ANKMY2: variants seen among roughly 807,000 people sequenced by gnomAD.
ANKMY2 encodes ankyrin repeat and MYND domain containing 2.
Under a neutral mutation model 50.4 loss-of-function variants are expected in ANKMY2, and 36 were observed. That is an observed-to-expected ratio of 0.71 (90% CI 0.55 to 0.94). The LOEUF (loss-of-function observed/expected upper bound fraction) is 0.94. ANKMY2 is among the 40% of genes least tolerant of loss of function. ANKMY2 has a pLI of 0.00. For synonymous variants in ANKMY2, 187 were observed against 178.8 expected, an observed-to-expected ratio of 1.05 and a Z score of -0.36; for missense variants, 565 against 524.0, an observed-to-expected ratio of 1.08 and a Z score of -0.76.
At chr7:16,628,997 A>G (rs1325749665) in intron 2 of ANKMY2, among the ~76,000 whole-genome samples, 1 of 152,206 alleles carries the variant, frequency 6.6e-6, no homozygotes, top group Admixed American at 6.5e-5. Context: ...AGAGCAAAAG[A>G]GATATGCAAA....
intron 3 of ANKMY2, 47 bp from the exon 4 acceptor site, chr7:16,625,128 A>G (rs1433201739): frequency 4.1e-6 from 6 of 1,450,840 alleles, no homozygotes; most frequent in Non-Finnish European, 5.8e-6. Flanking sequence ...GGAGGACACA[A>G]TTTAAACATC....
At chr7:16,643,731 A>G (rs1781776160) in intron 1 of ANKMY2, among the ~76,000 whole-genome samples, 1 of 151,818 alleles carries the variant, frequency 6.6e-6, no homozygotes, top group Non-Finnish European at 1.5e-5. Flanking sequence ...AAGAGATCAC[A>G]TGATGGGCCA....
chr7:16,616,966 G>A (rs992381256), intron 4 of ANKMY2, among the ~76,000 whole-genome samples: 6 of 152,206 alleles, frequency 3.9e-5, no homozygotes, highest in African/African-American at 1.4e-4. Context: ...AAAGTTCCTG[G>A]GAGAACCCAG....
chr7:16,641,211 G>A (rs971155815), intron 1 of ANKMY2, among the ~76,000 whole-genome samples: 1 of 150,202 alleles, frequency 6.7e-6, no homozygotes, highest in African/African-American at 2.4e-5. Flanking sequence ...TCCAGCCTGG[G>A]TGACAGGGTG....
At position 16,602,524 on chromosome 7, in the gene ANKMY2, T is replaced by C. The variant is rs767899542; in HGVS notation, c.1012-15A>G. The C allele has an allele frequency of 3.7e-6, 6 of 1,606,194 alleles. No individual in the cohort carries two copies. In the Admixed American group the frequency reaches 1.0e-4, roughly 27 times the overall value. On this transcript the variant is annotated splice_polypyrimidine_tract_variant and intron_variant, in intron 8 of 9. Transcript: ENST00000306999. The stretch of plus-strand genomic sequence containing the variant: ...CAATATATTACCTGAAAGCAATTGT[T>C]GGTTTATTTTCATTTCCAGAGCTTG...
chr7:16,617,861 G>A (rs1326013321), intron 4 of ANKMY2, among the ~76,000 whole-genome samples: 1 of 151,592 alleles, frequency 6.6e-6, no homozygotes, highest in Non-Finnish European at 1.5e-5. Flanking sequence ...CAGCTACTTG[G>A]GATACTAAGG....
At chr7:16,636,108 G>C (rs902480804) in intron 2 of ANKMY2, among the ~76,000 whole-genome samples, 2 of 151,794 alleles carry the variant, frequency 1.3e-5, no homozygotes, top group East Asian at 3.9e-4. Flanking sequence ...TTCGAGCTCA[G>C]CCAGGTGAAT....
In ANKMY2 at chr7:16,602,448, T is replaced by G. The variant is rs375760645; in HGVS notation, c.1073A>C (p.Lys358Thr). 3 of 1,614,002 alleles carry G rather than the reference T, an allele frequency of 1.9e-6. No homozygotes were observed. In the African/African-American group the frequency reaches 4.0e-5, roughly 22 times the overall value. Residue 358 changes from lysine to threonine, a missense_variant, in exon 9 of 10, where the codon AAG (lysine) becomes ACG (threonine). By Grantham distance (78) the Lys-to-Thr change is moderately conservative. Coordinates refer to ENST00000306999, the MANE Select transcript of ANKMY2 (RefSeq NM_020319.3). ...THWFTHKKIC[K>T]NLKDIYEKQQ... Reference sequence around the variant, plus strand: ...CTTTTCGTAAATGTCCTTCAGATTCTTACAGATTTTCTTATGAGTAAACCA... The same window carrying G: ...CTTTTCGTAAATGTCCTTCAGATTCGTACAGATTTTCTTATGAGTAAACCA...
At chr7:16,644,178 C>G (rs1298858775) in intron 1 of ANKMY2, among the ~76,000 whole-genome samples, 1 of 152,150 alleles carries the variant, frequency 6.6e-6, no homozygotes, top group Non-Finnish European at 1.5e-5. Context: ...AATTGAATCC[C>G]AGAGCCATCA....
chr7:16,601,404 T>C (rs186951871), intron 9 of ANKMY2, among the ~76,000 whole-genome samples: 2 of 152,380 alleles, frequency 1.3e-5, no homozygotes, highest in East Asian at 3.9e-4. Flanking sequence ...TGAATGATGC[T>C]TAACAACTGG....
At chr7:16,610,524 A>T in intron 6 of ANKMY2, 25 bp downstream of exon 6, 1 of 1,557,856 alleles carries the variant, frequency 6.4e-7, no homozygotes, top group Non-Finnish European at 8.8e-7. Flanking sequence ...AGTGTATTTT[A>T]TAAACGACAT....
At chr7:16,621,975 AT>A (rs199739150) in intron 4 of ANKMY2, among the ~76,000 whole-genome samples, 5 of 151,356 alleles carry the variant, frequency 3.3e-5, no homozygotes, top group Non-Finnish European at 5.9e-5. Context: ...TCTCAAAAAA[AT>A]AAATAAATAA....
At chr7:16,615,477 G>C (rs535035883) in intron 5 of ANKMY2, among the ~76,000 whole-genome samples, 8 of 152,112 alleles carry the variant, frequency 5.3e-5, no homozygotes, top group Non-Finnish European at 8.8e-5. Flanking sequence ...CAGAGCTCCC[G>C]GTGGGATGAG....
chr7:16,627,922 T>A (rs1459245502), intron 2 of ANKMY2, among the ~76,000 whole-genome samples: 2 of 129,850 alleles, frequency 1.5e-5, no homozygotes, highest in Non-Finnish European at 3.6e-5. Flanking sequence ...TTAGGCTATA[T>A]TGTTTGGTCA....
chr7:16,642,171 G>A (rs1274081920), intron 1 of ANKMY2, among the ~76,000 whole-genome samples: 1 of 151,554 alleles, frequency 6.6e-6, no homozygotes, highest in African/African-American at 2.4e-5. Context: ...AGTAAGCCCA[G>A]GAATTTCAGG....
At chr7:16,616,686 GGAT>G (rs1781358096) in intron 4 of ANKMY2, among the ~76,000 whole-genome samples, 1 of 152,204 alleles carries the variant, frequency 6.6e-6, no homozygotes, top group Non-Finnish European at 1.5e-5. Flanking sequence ...GGCTCTTCCT[GGAT>G]CTCCGGAGGA....
chr7:16,643,114 C>A lies in ANKMY2; in HGVS notation c.67+2393G>T, dbSNP rs186391560. Among the ~76,000 whole-genome samples the A allele has an allele frequency of 3.3e-3, 505 of 152,258 alleles. 4 individuals carry two copies. The highest frequency in any genetic ancestry group is 0.011 in the African/African-American group (477 of 41,534). ...CTAACTACTTTCATCCCCATAACAA[C>A]GTTGTGAGGTGGGTATTATTATTAT... On this transcript the variant is annotated intron_variant, in intron 1 of 9. Transcript: ENST00000306999.
chr7:16,637,362 A>G (rs1290127451), intron 1 of ANKMY2, among the ~76,000 whole-genome samples: 1 of 152,228 alleles, frequency 6.6e-6, no homozygotes, highest in Non-Finnish European at 1.5e-5. Flanking sequence ...TCTAGAGTTA[A>G]AGGTGAAATG....
rs1474398152 is a variant in ANKMY2, at chr7:16,610,769, G to A, written c.532-6C>T. Reference sequence around the variant, plus strand: ...TCATTTACAAGCATCACGATCTAGAGGAAATCCCAGTGTACTCAGGTATTA... The same window carrying A: ...TCATTTACAAGCATCACGATCTAGAAGAAATCCCAGTGTACTCAGGTATTA... On this transcript the variant is annotated splice_region_variant and splice_polypyrimidine_tract_variant and intron_variant, in intron 5 of 9. Transcript: ENST00000306999. 1.9e-6 allele frequency: 3 copies of A among 1,612,522 alleles called. No individual in the cohort carries two copies. The highest frequency in any genetic ancestry group is 2.5e-6 in the Non-Finnish European group (3 of 1,179,264).
Sources: gnomAD v4.1 joint callset for allele counts (sites outside exome capture counted in the v4.1 genomes callset) on GRCh38, gnomAD v4.1.1 for gene constraint, MANE v1.5 for transcripts, NCBI Gene and HGNC (gene_info 2026-07-23, HGNC 2026-07-21) for gene names.